Variants in MEI1 observed in about 807,000 individuals in gnomAD.
MEI1 encodes meiosis inhibitor protein 1.
Under a neutral mutation model 146.2 loss-of-function variants are expected in MEI1, and 103 were observed. The observed-to-expected ratio is 0.70, with a 90% CI of 0.60 to 0.83. MEI1 has a LOEUF of 0.83. Among genes scored for constraint, MEI1 ranks in the 40% least tolerant of loss-of-function variants. The probability of loss-of-function intolerance (pLI) is 0.00; values close to 1 mark genes in which losing one functional copy is unlikely to be tolerated. For missense variants in MEI1, 1,529 were observed against 1,533.0 expected (o/e 1.00, Z 0.04); for synonymous variants, 652 against 628.2 (o/e 1.04, Z -0.57).
At chr22:41,787,261 T>G (rs1056430832) in intron 26 of MEI1, among the ~76,000 whole-genome samples, 2 of 152,182 alleles carry the variant, frequency 1.3e-5, no homozygotes, top group African/African-American at 4.8e-5. Flanking sequence ...TAGTAGAATA[T>G]TGGCTGGGAC....
At position 41,771,108 on chromosome 22, in the gene MEI1, G is replaced by A. The variant is rs1209662381; in HGVS notation, c.2544+147G>A. ...TCTGCATGTGAGTTGGAGGGGTGGT[G>A]GTCTCTTCTACTTGTAGGTGCCTAG... On this transcript the variant is annotated intron_variant, in intron 20 of 30. Transcript: ENST00000401548. 4.5e-6 allele frequency: 4 copies of A among 879,652 alleles called. No individual in the cohort carries two copies. In the East Asian group the frequency reaches 7.3e-5, roughly 16 times the overall value. The allele number at this position is 879,652 out of a possible 1,614,324, so 54.5% of individuals were successfully genotyped here. A position where few individuals can be genotyped will look rare whatever the true frequency, so the allele number is the denominator to read the frequency against.
intron 26 of MEI1, among the ~76,000 whole-genome samples, chr22:41,786,618 G>T (rs2075995662): frequency 6.6e-6 from 1 of 152,200 alleles, no homozygotes; most frequent in South Asian, 2.1e-4. Context: ...GTCTCATTAG[G>T]CTGGCTTGGG....
chr22:41,729,628 G>C (rs1425530634), intron 7 of MEI1, 37 bp from the exon 8 acceptor site: 1 of 1,385,254 alleles, frequency 7.2e-7, no homozygotes, highest in East Asian at 2.4e-5. Context: ...CCTATTCGTG[G>C]TGTGACTGGG....
At chr22:41,753,374 A>G (rs977226860) in intron 16 of MEI1, among the ~76,000 whole-genome samples, 5 of 152,048 alleles carry the variant, frequency 3.3e-5, no homozygotes, top group Admixed American at 1.3e-4. Context: ...CCAGATACTC[A>G]GGAGGCTGAG....
intron 17 of MEI1, 84 bp from the exon 18 acceptor site, chr22:41,758,274 GCAGTACT>G: frequency 8.0e-7 from 1 of 1,254,676 alleles, no homozygotes; most frequent in East Asian, 2.4e-5. Context: ...GCTGCCCTGT[GCAGTACT>G]CTGCATGTAG....
intron 24 of MEI1, among the ~76,000 whole-genome samples, chr22:41,782,468 C>G (rs1416447086): frequency 1.3e-5 from 2 of 152,158 alleles, no homozygotes; most frequent in East Asian, 3.8e-4. Context: ...AGAGCACCTC[C>G]TTCCCCTCAG....
Position 41,743,697 on chromosome 22 carries a change from G to T in MEI1, c.1446+503G>T, listed in dbSNP as rs6002461. 1.2e-3 allele frequency among the ~76,000 whole-genome samples: 176 copies of T among 152,236 alleles called. 2 individuals carry two copies. The highest frequency in any genetic ancestry group is 4.2e-3 in the African/African-American group (174 of 41,560). On this transcript the variant is annotated intron_variant, in intron 12 of 30. Coordinates refer to ENST00000401548, the MANE Select transcript of MEI1 (RefSeq NM_152513.4). The stretch of plus-strand genomic sequence containing the variant: ...GATTATGTCTTTCAGGATTAACTTT[G>T]GAAACTAAGCTCTTTACACCTGATG...
At chr22:41,724,663 C>T (rs1002383427) in intron 7 of MEI1, among the ~76,000 whole-genome samples, 2 of 151,146 alleles carry the variant, frequency 1.3e-5, no homozygotes, top group African/African-American at 4.9e-5. Flanking sequence ...TGGTGGTATG[C>T]ACCTGTAATC....
intron 2 of MEI1, among the ~76,000 whole-genome samples, chr22:41,704,986 TTA>T (rs1167023079): frequency 6.6e-6 from 1 of 152,132 alleles, no homozygotes; most frequent in Non-Finnish European, 1.5e-5. Flanking sequence ...AGTGCTGGAA[TTA>T]CAGGCGTGAG....
intron 1 of MEI1, among the ~76,000 whole-genome samples, chr22:41,700,484 C>T (rs1311772604): frequency 1.3e-5 from 2 of 152,194 alleles, no homozygotes; most frequent in African/African-American, 4.8e-5. Context: ...GCTCCCGCCA[C>T]CACGCTCGGC....
At chr22:41,709,615 CTT>C in intron 3 of MEI1, 4 of 385,336 alleles carry the variant, frequency 1.0e-5, no homozygotes, top group Non-Finnish European at 1.5e-5. Flanking sequence ...GTGGCTCTTC[CTT>C]TTTTTTTGGT....
At chr22:41,718,333 C>G in intron 6 of MEI1, 59 bp downstream of exon 6, 1 of 1,535,196 alleles carries the variant, frequency 6.5e-7, no homozygotes, top group Non-Finnish European at 8.9e-7. Context: ...TGCTAGAAGA[C>G]TTGAGATATT....
intron 26 of MEI1, among the ~76,000 whole-genome samples, chr22:41,793,156 C>T (rs1455696327): frequency 1.3e-5 from 2 of 150,142 alleles, no homozygotes; most frequent in East Asian, 4.0e-4. Flanking sequence ...TCTGCCTCAG[C>T]CGCCCAAGTA....
chr22:41,756,630 C>T (rs1020134887), intron 17 of MEI1, among the ~76,000 whole-genome samples: 1 of 151,904 alleles, frequency 6.6e-6, no homozygotes, highest in Middle Eastern at 3.4e-3. Context: ...CTTGCCACCA[C>T]GCTTGTCTAA....
At chr22:41,730,795 AG>A (rs1249899450) in intron 9 of MEI1, among the ~76,000 whole-genome samples, 158 bp downstream of exon 9, 1 of 152,164 alleles carries the variant, frequency 6.6e-6, no homozygotes, top group African/African-American at 2.4e-5. Flanking sequence ...TTCATATGCA[AG>A]TATTGATATC....
chr22:41,743,667 A>G (rs1444427508), intron 12 of MEI1, among the ~76,000 whole-genome samples: 1 of 152,184 alleles, frequency 6.6e-6, no homozygotes. Context: ...GTCAGTGTGA[A>G]TGTTGATTAT....
At chr22:41,784,164 G>A (rs564670732) in intron 24 of MEI1, among the ~76,000 whole-genome samples, 175 bp from the exon 25 acceptor site, 4 of 152,300 alleles carry the variant, frequency 2.6e-5, no homozygotes, top group South Asian at 4.1e-4. Context: ...TTGATTCTCC[G>A]CATGCTCCTG....
At chr22:41,784,184 C>G (rs1312162154) in intron 24 of MEI1, among the ~76,000 whole-genome samples, 155 bp from the exon 25 acceptor site, 37 of 152,188 alleles carry the variant, frequency 2.4e-4, no homozygotes. Context: ...GAAGCCAGGG[C>G]TGGTGCAGCT....
chr22:41,717,618 C>CTTTT (rs386395487), intron 5 of MEI1, among the ~76,000 whole-genome samples: 29 of 138,290 alleles, frequency 2.1e-4, no homozygotes, highest in African/African-American at 7.7e-4. Flanking sequence ...TTTTTCTTTT[C>CTTTT]TTTTTTTTTT....
Sources: allele counts gnomAD v4.1 joint callset (sites outside exome capture counted in the v4.1 genomes callset), GRCh38; gene constraint gnomAD v4.1.1; transcripts MANE v1.5; gene names NCBI Gene and HGNC (gene_info 2026-07-23, HGNC 2026-07-21).